SELENOT: variants seen among roughly 807,000 people sequenced by gnomAD.
SELENOT encodes selenoprotein T.
Under a neutral mutation model 24.3 loss-of-function variants are expected in SELENOT, and 9 were observed. That is an observed-to-expected ratio of 0.37 (90% CI 0.22 to 0.65). The LOEUF (loss-of-function observed/expected upper bound fraction) is 0.65. Among genes scored for constraint, SELENOT ranks in the 30% least tolerant of loss-of-function variants. SELENOT has a pLI of 0.60. For missense variants in SELENOT, 166 were observed against 247.6 expected (o/e 0.67, Z 2.21); for synonymous variants, 81 against 86.0 (o/e 0.94, Z 0.32).
In SELENOT at chr3:150,628,757, T is replaced by C. The variant is rs1196984883; in HGVS notation, c.*1128T>C. The C allele has an allele frequency of 6.6e-6, 1 of 152,194 alleles. No homozygotes were observed. The highest frequency in any genetic ancestry group is 2.4e-5 in the African/African-American group (1 of 41,440). The allele number at this position is 152,194 out of a possible 1,614,324, so 9.4% of individuals were successfully genotyped here. A position where few individuals can be genotyped will look rare whatever the true frequency, so the allele number is the denominator to read the frequency against. ...AAGTTGATAAAAACTGTAAGAATAATTTAGCAGAAATAGAACCAGAATGTA... is the reference window on the plus strand; with the variant it reads ...AAGTTGATAAAAACTGTAAGAATAACTTAGCAGAAATAGAACCAGAATGTA... On this transcript the variant is annotated 3_prime_UTR_variant, in exon 6 of 6. Coordinates refer to ENST00000471696, the MANE Select transcript of SELENOT (RefSeq NM_016275.5).
chr3:150,624,945 T>A, intron 4 of SELENOT, 46 bp downstream of exon 4: 1 of 1,001,110 alleles, frequency 1.0e-6, no homozygotes. Context: ...TTAAATGATT[T>A]ATAATGAGTA....
chr3:150,629,924 A>G lies in SELENOT; in HGVS notation c.*2295A>G, dbSNP rs569676921. On this transcript the variant is annotated 3_prime_UTR_variant, in exon 6 of 6. Transcript: ENST00000471696. ...TGTAGTTTATAAATGTCTGTGCACT[A>G]TATTAATTAGAAGACCATAGAACAT... The G allele has an allele frequency of 2.0e-5, 3 of 152,676 alleles. No homozygotes were observed. Among genetic ancestry groups the G allele is most frequent in the Non-Finnish European group, 4.4e-5 (3 of 68,042 alleles). The allele number at this position is 152,676 out of a possible 1,614,324, so 9.5% of individuals were successfully genotyped here.
rs1422182926 is a variant in SELENOT, at chr3:150,627,255, T to G, written c.*29+92T>G. On this transcript the variant is annotated intron_variant, in intron 5 of 5. Coordinates refer to ENST00000471696, the MANE Select transcript of SELENOT (RefSeq NM_016275.5). Reference sequence around the variant, plus strand: ...AATATTACATATATTATCACTTGAGTTTCCAATTTAAGATTAAACAGAGGG... The same window carrying G: ...AATATTACATATATTATCACTTGAGGTTCCAATTTAAGATTAAACAGAGGG... 3 of 1,018,040 alleles carry G rather than the reference T, an allele frequency of 2.9e-6. No individual in the cohort carries two copies. The East Asian group carries it at 7.6e-5, about 26-fold the overall frequency. The allele number at this position is 1,018,040 out of a possible 1,614,324, so 63.1% of individuals were successfully genotyped here.
chr3:150,622,947 G>A (rs1576534395), intron 2 of SELENOT, 96 bp from the exon 3 acceptor site: 18 of 1,097,090 alleles, frequency 1.6e-5, no homozygotes, highest in Non-Finnish European at 2.2e-5. Flanking sequence ...TTTAGATTTG[G>A]TGTCTAGAAA....
chr3:150,603,448 A>G lies in SELENOT; in HGVS notation c.86A>G (p.Lys29Arg). 1 of 1,611,866 alleles carries G rather than the reference A, an allele frequency of 6.2e-7. No homozygotes were observed. The highest frequency in any genetic ancestry group is 8.5e-7 in the Non-Finnish European group (1 of 1,178,274). Residue 29 changes from lysine (K) to arginine (R), a missense_variant, in exon 1 of 6, where the codon AAG (lysine) becomes AGG (arginine). Lys to Arg is a conservative substitution (Grantham distance 26). This residue lies in a region of SELENOT where 46 missense variants were observed against 49.3 expected (regional missense o/e 0.93). Transcript: ENST00000471696. ...GCCAATCTGGGCGGCGTGCCCAGCA[A>G]GAGATTAAAGATGCAGTACGCCACG... Reference protein sequence around the residue: ...ASANLGGVPSKRLKMQYATGP... With the variant: ...ASANLGGVPSRRLKMQYATGP...
At chr3:150,611,555 G>T (rs919369179) in intron 1 of SELENOT, 12 of 1,196,250 alleles carry the variant, frequency 1.0e-5, no homozygotes, top group Non-Finnish European at 6.2e-6. Flanking sequence ...CTTCTGTTTC[G>T]AATACTCTGA....
intron 1 of SELENOT, 52 bp downstream of exon 1, chr3:150,603,551 C>G: frequency 1.3e-6 from 2 of 1,521,438 alleles, no homozygotes; most frequent in Admixed American, 4.1e-5. Context: ...TGCTCGGCGC[C>G]ATTGGCTACG....
At chr3:150,621,277 C>A (rs942061710) in intron 1 of SELENOT, among the ~76,000 whole-genome samples, 28 of 152,182 alleles carry the variant, frequency 1.8e-4, no homozygotes, top group Non-Finnish European at 2.5e-4. Context: ...ACACCCCCCC[C>A]AAAAAACACA....
intron 1 of SELENOT, among the ~76,000 whole-genome samples, chr3:150,615,079 T>C (rs955385774): frequency 2.2e-5 from 3 of 137,364 alleles, no homozygotes; most frequent in Non-Finnish European, 4.6e-5. Context: ...TGTGATCTCA[T>C]TGTTCAATTC....
intron 1 of SELENOT, among the ~76,000 whole-genome samples, chr3:150,613,664 A>AAT (rs1559896255): frequency 1.9e-5 from 2 of 105,076 alleles, no homozygotes; most frequent in African/African-American, 7.4e-5. Flanking sequence ...GAAGATGGGA[A>AAT]CTTTTTTTTT....
At chr3:150,611,837 C>T in intron 1 of SELENOT, 1 of 927,078 alleles carries the variant, frequency 1.1e-6, no homozygotes, top group Non-Finnish European at 1.6e-6. Flanking sequence ...GCGGCCACTG[C>T]GGCTGCCGCC....
At position 150,623,145 on chromosome 3, in the gene SELENOT, C is replaced by G. The variant is rs1473886995; in HGVS notation, c.351C>G (p.Ile117Met). ...FAFFGMQAPS[I>M]WQWGQENKVY... Reference sequence around the variant, plus strand: ...TCTTTGGCATGCAAGCTCCTAGCATCTGGCAGTGGGGCCAAGAAAATAAGG... The same window carrying G: ...TCTTTGGCATGCAAGCTCCTAGCATGTGGCAGTGGGGCCAAGAAAATAAGG... The change falls in exon 3 of 6, where the codon ATC (isoleucine) becomes ATG (methionine). Residue 117 changes from isoleucine (I) to methionine (M), a missense_variant. Ile to Met is a conservative substitution (Grantham distance 10). Transcript: ENST00000471696. 1.2e-6 allele frequency: 2 copies of G among 1,604,070 alleles called. No individual in the cohort carries two copies. Among genetic ancestry groups the G allele is most frequent in the Non-Finnish European group, 1.7e-6 (2 of 1,175,488 alleles).
chr3:150,613,044 A>G (rs1336837850), intron 1 of SELENOT, among the ~76,000 whole-genome samples: 1 of 152,218 alleles, frequency 6.6e-6, no homozygotes, highest in African/African-American at 2.4e-5. Flanking sequence ...AGAGTCCGAA[A>G]GATTTAAAGA....
intron 1 of SELENOT, among the ~76,000 whole-genome samples, chr3:150,613,912 G>A (rs2108008692): frequency 6.6e-6 from 1 of 152,196 alleles, no homozygotes; most frequent in East Asian, 1.9e-4. Flanking sequence ...TTTTGTACAA[G>A]ATGCAAAAGA....
In SELENOT at chr3:150,624,755, A is replaced by G. The variant is rs1219466937; in HGVS notation, c.376-57A>G. ...TATGGGAACTTTTAAAGTAGATTAA[A>G]AAGAGCATTTACCAAACATGACTTT... On this transcript the variant is annotated intron_variant, in intron 3 of 5. Transcript: ENST00000471696. 8.1e-6 allele frequency: 9 copies of G among 1,104,990 alleles called. No individual in the cohort carries two copies. In the African/African-American group the frequency reaches 1.3e-4, roughly 16 times the overall value. The allele number at this position is 1,104,990 out of a possible 1,614,324, so 68.4% of individuals were successfully genotyped here.
chr3:150,612,191 C>G (rs1726111824), intron 1 of SELENOT, among the ~76,000 whole-genome samples: 1 of 152,020 alleles, frequency 6.6e-6, no homozygotes, highest in African/African-American at 2.4e-5. Context: ...CCTCCCGGCT[C>G]AAGCTATTCT....
At chr3:150,615,805 C>T (rs1159826667) in intron 1 of SELENOT, among the ~76,000 whole-genome samples, 1 of 151,798 alleles carries the variant, frequency 6.6e-6, no homozygotes, top group African/African-American at 2.4e-5. Context: ...ATGCCATCCC[C>T]ATCAAGCTAC....
intron 1 of SELENOT, among the ~76,000 whole-genome samples, chr3:150,617,469 A>T (rs1278104754): frequency 1.3e-5 from 2 of 152,222 alleles, no homozygotes; most frequent in South Asian, 2.1e-4. Flanking sequence ...GCATGGTGGC[A>T]CATGCCTATA....
intron 1 of SELENOT, among the ~76,000 whole-genome samples, chr3:150,605,930 A>C (rs1725952273): frequency 3.9e-5 from 6 of 152,184 alleles, no homozygotes; most frequent in Admixed American, 3.3e-4. Flanking sequence ...TAACAATCAA[A>C]AGAGAACTAT....
Sources: allele counts gnomAD v4.1 joint callset (sites outside exome capture counted in the v4.1 genomes callset), GRCh38; gene constraint gnomAD v4.1.1; regional missense constraint gnomAD v4.1.1; transcripts MANE v1.5; gene names NCBI Gene and HGNC (gene_info 2026-07-23, HGNC 2026-07-21).